The following FREM1 variants were observed in gnomAD, a reference collection of about 807,000 sequenced individuals.
FREM1 encodes FRAS1 related extracellular matrix 1, also known as FRAS1-related extracellular matrix protein 1.
FREM1 carries 220 observed loss-of-function variants against 210.1 expected under a neutral mutation model. The observed-to-expected ratio is 1.05, with a 90% CI of 0.94 to 1.17. The LOEUF is 1.17. FREM1 is among the 50% of genes most tolerant of loss of function. The pLI is 0.00. For missense variants in FREM1, 3,454 were observed against 2,675.5 expected (o/e 1.29, Z -6.42); for synonymous variants, 1,189 against 980.2 (o/e 1.21, Z -3.98).
intron 32 of FREM1, 102 bp downstream of exon 32, chr9:14,747,579 T>C: frequency 9.6e-7 from 1 of 1,037,812 alleles, no homozygotes; most frequent in South Asian, 1.8e-5. Context: ...AAAACAATTT[T>C]TTAAGAGAAA....
At chr9:14,750,646 T>G (rs904309188) in intron 29 of FREM1, among the ~76,000 whole-genome samples, 2 of 152,232 alleles carry the variant, frequency 1.3e-5, no homozygotes, top group African/African-American at 2.4e-5. Context: ...TTAAAAAATC[T>G]TAAGCTGTTG....
At chr9:14,901,782 C>G (rs143256335) in intron 1 of FREM1, among the ~76,000 whole-genome samples, 1 of 152,170 alleles carries the variant, frequency 6.6e-6, no homozygotes, top group African/African-American at 2.4e-5. Context: ...TTAAAAATTT[C>G]TCAGCCTTGA....
Position 14,778,415 on chromosome 9 carries a change from A to C in FREM1, c.4443-2212T>G, listed in dbSNP as rs184558949. 4.7e-3 allele frequency among the ~76,000 whole-genome samples: 714 copies of C among 151,460 alleles called. 3 individuals carry two copies. The highest frequency in any genetic ancestry group is 0.014 in the Middle Eastern group (4 of 292). On this transcript the variant is annotated intron_variant, in intron 24 of 36. Transcript: ENST00000380880. ...GGCTTGAGTCCAGGAGTTCAATATC[A>C]GCCTGGGTAACATGGCAAAACCCTT...
intron 28 of FREM1, among the ~76,000 whole-genome samples, chr9:14,758,801 T>C (rs1844907695): frequency 6.6e-6 from 1 of 152,190 alleles, no homozygotes; most frequent in South Asian, 2.1e-4. Flanking sequence ...TCTTCAATTC[T>C]AGAAGCCATA....
In FREM1 at chr9:14,824,042, G is replaced by C; in HGVS notation, c.2152C>G (p.Leu718Val). The change falls in exon 12 of 37, where the codon CTG (leucine) becomes GTG (valine). Residue 718 changes from leucine (L) to valine (V), a missense_variant. By Grantham distance (32) the Leu-to-Val change is conservative (BLOSUM62 1). Coordinates refer to ENST00000380880, the MANE Select transcript of FREM1 (RefSeq NM_001379081.2). ...KVVKNPTALE[L>V]RSFTQHAVNY... ...CCTCATACCTGAGTGAATGACCTCAGCTCCAGGGCCGTAGGATTCTTAACT... is the reference window on the plus strand; with the variant it reads ...CCTCATACCTGAGTGAATGACCTCACCTCCAGGGCCGTAGGATTCTTAACT... The C allele has an allele frequency of 6.3e-7, 1 of 1,592,492 alleles. No homozygotes were observed. The highest frequency in any genetic ancestry group is 8.6e-7 in the Non-Finnish European group (1 of 1,167,760).
intron 22 of FREM1, among the ~76,000 whole-genome samples, chr9:14,792,332 A>G (rs1851571539): frequency 1.3e-5 from 2 of 151,744 alleles, no homozygotes; most frequent in South Asian, 2.1e-4. Context: ...AGAGAACAAG[A>G]AAGACTGTAG....
At chr9:14,747,542 T>C (rs1436594815) in intron 32 of FREM1, 114 bp from the exon 33 acceptor site, 1 of 1,150,300 alleles carries the variant, frequency 8.7e-7, no homozygotes, top group African/African-American at 1.6e-5. Flanking sequence ...AGGATTTGTT[T>C]CTCTGAACAC....
intron 6 of FREM1, chr9:14,850,406 G>C (rs114822111): frequency 6.7e-6 from 1 of 149,150 alleles, no homozygotes; most frequent in South Asian, 2.2e-4. Flanking sequence ...AAGAATAAAA[G>C]AATTTATTAA....
intron 16 of FREM1, among the ~76,000 whole-genome samples, chr9:14,808,694 G>A (rs2133459662): frequency 6.6e-6 from 1 of 152,208 alleles, no homozygotes; most frequent in East Asian, 1.9e-4. Context: ...TTTAAAAATA[G>A]CAACAGTCTG....
intron 1 of FREM1, among the ~76,000 whole-genome samples, chr9:14,891,676 T>C (rs1836847017): frequency 6.6e-6 from 1 of 152,196 alleles, no homozygotes; most frequent in African/African-American, 2.4e-5. Flanking sequence ...AGGGTACGCT[T>C]CCCAGAAGGG....
chr9:14,762,014 T>G (rs538045477), intron 27 of FREM1, among the ~76,000 whole-genome samples: 72 of 152,280 alleles, frequency 4.7e-4, no homozygotes, highest in African/African-American at 1.6e-3. Flanking sequence ...ACAGTGTACA[T>G]AGGGTTCAAT....
chr9:14,755,085 T>C (rs966688235), intron 29 of FREM1, among the ~76,000 whole-genome samples: 2 of 152,128 alleles, frequency 1.3e-5, no homozygotes, highest in Non-Finnish European at 2.9e-5. Flanking sequence ...AAGAGAGGCA[T>C]GGAATCGATT....
At position 14,737,356 on chromosome 9, in the gene FREM1, G is replaced by T. The variant is rs757256454; in HGVS notation, c.*40C>A. ...ATTCACAGATCCTGTGAATAAATAG[G>T]TGACAAACTCCAGGTGGCCCCCTGT... On this transcript the variant is annotated 3_prime_UTR_variant, in exon 37 of 37. Coordinates refer to ENST00000380880, the MANE Select transcript of FREM1 (RefSeq NM_001379081.2). The T allele has an allele frequency of 6.8e-7, 1 of 1,481,404 alleles. No individual in the cohort carries two copies. Among genetic ancestry groups the T allele is most frequent in the African/African-American group, 1.4e-5 (1 of 71,842 alleles). 91.8% of individuals were successfully genotyped at this position (1,481,404 alleles called of 1,614,324 possible). A position where few individuals can be genotyped will look rare whatever the true frequency, so the allele number is the denominator to read the frequency against.
chr9:14,780,323 G>A (rs1452721693), intron 24 of FREM1, among the ~76,000 whole-genome samples: 3 of 151,166 alleles, frequency 2.0e-5, no homozygotes, highest in Non-Finnish European at 4.4e-5. Context: ...CATTACCACG[G>A]TGCTTTCAAG....
intron 20 of FREM1, among the ~76,000 whole-genome samples, chr9:14,800,486 G>A (rs1384291166): frequency 6.6e-6 from 1 of 152,144 alleles, no homozygotes; most frequent in African/African-American, 2.4e-5. Flanking sequence ...TATGCAATGT[G>A]CCATTTCTCT....
rs1821724659 is a variant in FREM1, at chr9:14,823,311, A to G, written c.2186T>C (p.Met729Thr). ...CATGGGGGGCATGTAGGCCACTTTC[A>G]TATAGTTCACAGCATGCTGCAAAGT... is the stretch of plus-strand genomic sequence containing the variant. ...RSFTQHAVNY[M>T]KVAYMPPMQD... Residue 729 changes from methionine (M) to threonine (T), a missense_variant, in exon 13 of 37, where the codon ATG becomes ACG. By Grantham distance (81) the Met-to-Thr change is moderately conservative. Transcript: ENST00000380880. 6.2e-7 allele frequency: 1 copy of G among 1,613,806 alleles called. No individual in the cohort carries two copies. The highest frequency in any genetic ancestry group is 2.2e-5 in the East Asian group (1 of 44,884).
chr9:14,811,926 A>G (rs1376544924), intron 16 of FREM1, among the ~76,000 whole-genome samples: 1 of 152,186 alleles, frequency 6.6e-6, no homozygotes, highest in East Asian at 1.9e-4. Flanking sequence ...CATATGGATG[A>G]GTAGACAGGA....
At chr9:14,739,884 A>G (rs1024317371) in intron 36 of FREM1, among the ~76,000 whole-genome samples, 1 of 152,124 alleles carries the variant, frequency 6.6e-6, no homozygotes. Context: ...TTGGTTTTAG[A>G]AATGTTATTG....
At position 14,891,203 on chromosome 9, in the gene FREM1, G is replaced by A. The variant is rs551977952; in HGVS notation, c.-268+18711C>T. ...TCTGTTTAAATTCGTATTAAATCATGTCCAGGAATTCATCTTTGAGACCAA... is the reference window on the plus strand; with the variant it reads ...TCTGTTTAAATTCGTATTAAATCATATCCAGGAATTCATCTTTGAGACCAA... On this transcript the variant is annotated intron_variant, in intron 1 of 36. Transcript: ENST00000380880. Among the ~76,000 whole-genome samples the A allele has an allele frequency of 5.3e-5, 8 of 152,286 alleles. No individual in the cohort carries two copies. The East Asian group carries it at 1.5e-3, about 29-fold the overall frequency.
Sources: allele counts gnomAD v4.1 joint callset (sites outside exome capture counted in the v4.1 genomes callset), GRCh38; gene constraint gnomAD v4.1.1; transcripts MANE v1.5; gene names NCBI Gene and HGNC (gene_info 2026-07-23, HGNC 2026-07-21).